The following PTPN18 variants were observed in gnomAD, a reference collection of about 807,000 sequenced individuals.
PTPN18 encodes the protein protein tyrosine phosphatase non-receptor type 18.
Under a neutral mutation model 65.4 loss-of-function variants are expected in PTPN18, and 65 were observed. The observed-to-expected ratio is 0.99, with a 90% CI of 0.81 to 1.22. PTPN18 has a LOEUF of 1.22. Ranked by LOEUF, PTPN18 falls within the 50% of genes most tolerant of loss-of-function variation. The pLI, the probability that PTPN18 is intolerant of heterozygous loss-of-function variation, is 0.00. For synonymous variants in PTPN18, 255 were observed against 267.8 expected (o/e 0.95, Z 0.47); for missense variants, 616 against 646.5 (o/e 0.95, Z 0.51).
rs1680673838 is a variant in PTPN18, at chr2:130,374,403, A to T, written c.*1179A>T. The T allele has an allele frequency of 6.9e-6, 2 of 290,226 alleles. No individual in the cohort carries two copies. The highest frequency in any genetic ancestry group is 1.4e-3 in the Middle Eastern group (2 of 1,404). 18.0% of individuals were successfully genotyped at this position (290,226 alleles called of 1,614,324 possible). On this transcript the variant is annotated 3_prime_UTR_variant, in exon 15 of 15. Transcript: ENST00000175756. ...GACTGGTCTTGAACTCCCAACCTCA[A>T]GCAATCCTCCTGCCTCAGCCTCCCA...
intron 5 of PTPN18, among the ~76,000 whole-genome samples, chr2:130,365,892 A>G (rs1212940170): frequency 6.6e-6 from 1 of 152,176 alleles, no homozygotes; most frequent in Non-Finnish European, 1.5e-5. Flanking sequence ...ATAAGGGTTT[A>G]TTTCTGAACT....
At chr2:130,361,364 T>G (rs1680183411) in intron 5 of PTPN18, among the ~76,000 whole-genome samples, 1 of 152,192 alleles carries the variant, frequency 6.6e-6, no homozygotes, top group Non-Finnish European at 1.5e-5. Flanking sequence ...GTTTTAAAAC[T>G]TTATGATTGA....
intron 10 of PTPN18, 32 bp from the exon 11 acceptor site, chr2:130,370,843 C>T (rs776185123): frequency 9.9e-6 from 16 of 1,612,562 alleles, no homozygotes; most frequent in Non-Finnish European, 1.4e-5. Context: ...TTGCCCCTGC[C>T]TTCCCTTCTT....
Position 130,359,609 on chromosome 2 carries a change from T to G in PTPN18, c.377T>G (p.Val126Gly). ...WRLVWEFGVK[V>G]ILMACREIEN... ...TCTCCCCTGACCCTCCTTGTCTAGG[T>G]GATCCTGATGGCCTGTCGAGAGATA... The change falls in exon 5 of 15, where the codon GTG (valine) becomes GGG (glycine). Residue 126 changes from valine to glycine, a missense_variant and splice_region_variant. Transcript: ENST00000175756. 2.5e-6 allele frequency: 4 copies of G among 1,614,096 alleles called. No individual in the cohort carries two copies. Among genetic ancestry groups the G allele is most frequent in the Non-Finnish European group, 3.4e-6 (4 of 1,179,990 alleles).
At chr2:130,356,382 ACT>A (rs139065633) in intron 1 of PTPN18, among the ~76,000 whole-genome samples, 182 bp downstream of exon 1, 3,540 of 150,170 alleles carry the variant, frequency 0.024, 134 homozygotes, top group African/African-American at 0.082. Flanking sequence ...CTCCGTCTTC[ACT>A]CTCTGCCCCC....
At chr2:130,358,094 G>T (rs1395777210) in intron 1 of PTPN18, among the ~76,000 whole-genome samples, 1 of 152,184 alleles carries the variant, frequency 6.6e-6, no homozygotes, top group Non-Finnish European at 1.5e-5. Flanking sequence ...AAGGCTGGGT[G>T]GCGAGGGCAC....
In PTPN18 at chr2:130,356,881, G is replaced by A. The variant is rs530290453; in HGVS notation, c.93+681G>A. ...GGGCGCACACTTCGTAGGGGCGTTC[G>A]TCACTGCCTATAAAGATTCTAAACG... On this transcript the variant is annotated intron_variant, in intron 1 of 14. Coordinates refer to ENST00000175756, the MANE Select transcript of PTPN18 (RefSeq NM_014369.4). Among the ~76,000 whole-genome samples the A allele has an allele frequency of 4.3e-4, 66 of 152,302 alleles. 1 individual carries two copies. The South Asian group carries it at 0.013, about 29-fold the overall frequency.
Position 130,375,033 on chromosome 2 carries a change from G to GC in PTPN18, c.*1813dup, listed in dbSNP as rs1680703135. The GC allele has an allele frequency of 4.4e-6, 1 of 229,602 alleles. No individual in the cohort carries two copies. The allele number at this position is 229,602 out of a possible 1,614,324, so 14.2% of individuals were successfully genotyped here. ...GCCGCCTTTCCTTCCTGTTCTCTGT[G>GC]CCCCTACTCCCACTCTAGAGCTGCC... On this transcript the variant is annotated 3_prime_UTR_variant, in exon 15 of 15. Transcript: ENST00000175756.
At chr2:130,372,071 C>A in intron 12 of PTPN18, 186 bp from the exon 13 acceptor site, 1 of 547,898 alleles carries the variant, frequency 1.8e-6, no homozygotes, top group Non-Finnish European at 3.2e-6. Context: ...GTTCCTCCTT[C>A]ATCCCCCTAA....
chr2:130,359,546 C>T lies in PTPN18; in HGVS notation c.375+54C>T, dbSNP rs1051878748. On this transcript the variant is annotated intron_variant, in intron 4 of 14. Coordinates refer to ENST00000175756, the MANE Select transcript of PTPN18 (RefSeq NM_014369.4). ...TGGGGTCAACATCTAAGTACCCCCT[C>T]GGCAGTTTCCCTGGCCCCCTCACCC... 16 of 1,612,186 alleles carry T rather than the reference C, an allele frequency of 9.9e-6. No individual in the cohort carries two copies. In the East Asian group the frequency reaches 1.8e-4, roughly 18 times the overall value.
chr2:130,366,934 C>G (rs1680404015), intron 5 of PTPN18, among the ~76,000 whole-genome samples: 1 of 152,098 alleles, frequency 6.6e-6, no homozygotes, highest in South Asian at 2.1e-4. Flanking sequence ...AGCAATCCTC[C>G]CACCTCAGCC....
rs1680624636 is a variant in PTPN18 at position 130,372,866 on chromosome 2, C to A, written c.1241-7C>A. 1 of 1,613,924 alleles carries A rather than the reference C, an allele frequency of 6.2e-7. No homozygotes were observed. Among genetic ancestry groups the A allele is most frequent in the Non-Finnish European group, 8.5e-7 (1 of 1,180,008 alleles). On this transcript the variant is annotated splice_polypyrimidine_tract_variant and splice_region_variant and intron_variant, in intron 13 of 14. Transcript: ENST00000175756. ...GAGCTGACCCGTGGGGGGTCTGCTG[C>A]CCTCAGTTCCTGCTGACCAAAGTCC...
At position 130,358,939 on chromosome 2, in the gene PTPN18, A is replaced by G. The variant is rs1188242520; in HGVS notation, c.166A>G (p.Asn56Asp). ...CSTVAGSRPE[N>D]VRKNRYKDVL... Reference sequence around the variant, plus strand: ...CACCGTGGCCGGCAGTCGGCCAGAGAACGTGAGGAAGAACCGCTACAAAGA... The same window carrying G: ...CACCGTGGCCGGCAGTCGGCCAGAGGACGTGAGGAAGAACCGCTACAAAGA... Residue 56 changes from asparagine to aspartate, a missense_variant, in exon 2 of 15, where the codon AAC becomes GAC. Coordinates refer to ENST00000175756, the MANE Select transcript of PTPN18 (RefSeq NM_014369.4). 1 of 1,614,146 alleles carries G rather than the reference A, an allele frequency of 6.2e-7. No homozygotes were observed.
chr2:130,364,162 C>T (rs1680313205), intron 5 of PTPN18, among the ~76,000 whole-genome samples: 1 of 152,138 alleles, frequency 6.6e-6, no homozygotes, highest in Admixed American at 6.5e-5. Flanking sequence ...TTCCTACTGT[C>T]TATTTTCAGA....
intron 2 of PTPN18, 114 bp from the exon 3 acceptor site, chr2:130,359,119 G>T: frequency 6.8e-7 from 1 of 1,472,550 alleles, no homozygotes; most frequent in Non-Finnish European, 9.4e-7. Flanking sequence ...AGGGCACCTT[G>T]GTGGGATCTC....
intron 13 of PTPN18, 51 bp downstream of exon 13, chr2:130,372,534 G>A (rs1005858055): frequency 1.7e-5 from 24 of 1,404,382 alleles, no homozygotes; most frequent in Non-Finnish European, 2.0e-5. Flanking sequence ...GTGATCCGCA[G>A]GGCGGAACCA....
At position 130,356,741 on chromosome 2, in the gene PTPN18, A is replaced by G; in HGVS notation, c.93+541A>G. On this transcript the variant is annotated intron_variant, in intron 1 of 14. Coordinates refer to ENST00000175756, the MANE Select transcript of PTPN18 (RefSeq NM_014369.4). ...CGTCCCGGCCATCCGCGTGTGGTCC[A>G]GGCGGTCTACCTGGCCCCTCTGACC... is the stretch of plus-strand genomic sequence containing the variant. 7.1e-6 allele frequency: 3 copies of G among 422,316 alleles called. 1 individual carries two copies. Among genetic ancestry groups the G allele is most frequent in the South Asian group, 5.3e-5 (3 of 56,476 alleles). 26.2% of individuals were successfully genotyped at this position (422,316 alleles called of 1,614,324 possible). A position where few individuals can be genotyped will look rare whatever the true frequency, so the allele number is the denominator to read the frequency against.
intron 5 of PTPN18, chr2:130,359,993 G>A (rs1014885949): frequency 1.3e-5 from 4 of 313,052 alleles, no homozygotes; most frequent in Non-Finnish European, 1.8e-5. Flanking sequence ...TTCCAGGGAT[G>A]GCTCTGCCTC....
rs779677964 is a variant in PTPN18 at position 130,359,339 on chromosome 2, A to G, written c.279+30A>G. ...GGGTTGGGGTCACGGAAGGAGGTGGACTGGGAGTGGCCAGGGGTGGGCCGC... is the reference window on the plus strand; with the variant it reads ...GGGTTGGGGTCACGGAAGGAGGTGGGCTGGGAGTGGCCAGGGGTGGGCCGC... On this transcript the variant is annotated intron_variant, in intron 3 of 14. Coordinates refer to ENST00000175756, the MANE Select transcript of PTPN18 (RefSeq NM_014369.4). 5 of 1,613,958 alleles carry G rather than the reference A, an allele frequency of 3.1e-6. No individual in the cohort carries two copies. The African/African-American group carries it at 6.7e-5, about 22-fold the overall frequency.
Sources: allele counts gnomAD v4.1 joint callset (sites outside exome capture counted in the v4.1 genomes callset), GRCh38; gene constraint gnomAD v4.1.1; transcripts MANE v1.5; gene names NCBI Gene and HGNC (gene_info 2026-07-23, HGNC 2026-07-21).